EMSY: variants seen among roughly 807,000 people sequenced by gnomAD.
The protein encoded by EMSY is EMSY transcriptional repressor, BRCA2 interacting, also known as BRCA2-interacting transcriptional repressor EMSY.
A neutral mutation model predicts 134.6 loss-of-function variants in EMSY; 26 were observed. The ratio of observed to expected loss-of-function variants is 0.19; its 90% CI spans 0.14 to 0.27. The LOEUF is 0.27. EMSY is among the 10% of genes least tolerant of loss of function. The probability of loss-of-function intolerance (pLI) is 1.00; values close to 1 mark genes in which losing one functional copy is unlikely to be tolerated. For synonymous variants in EMSY, 579 were observed against 577.8 expected, an observed-to-expected ratio of 1.00 and a Z score of -0.03; for missense variants, 1,305 against 1,611.4, an observed-to-expected ratio of 0.81 and a Z score of 3.26.
exon 15 of EMSY, chr11:76,536,056 A>G: frequency 6.5e-7 from 1 of 1,547,712 alleles, no homozygotes; most frequent in Non-Finnish European, 8.7e-7. Flanking sequence ...CCAACAGACA[A>G]CAGGTATGAA....
At chr11:76,508,275 T>G (rs1950153052) in intron 9 of EMSY, among the ~76,000 whole-genome samples, 1 of 152,182 alleles carries the variant, frequency 6.6e-6, no homozygotes, top group South Asian at 2.1e-4. Context: ...ATTAATCTTG[T>G]ATATCTCCAT....
At position 76,473,797 on chromosome 11, in the gene EMSY, C is replaced by G. The variant is rs952475954; in HGVS notation, c.1108+957C>G. Among the ~76,000 whole-genome samples, 11 of 151,992 alleles carry G rather than the reference C, an allele frequency of 7.2e-5. No individual in the cohort carries two copies. In the East Asian group the frequency reaches 1.4e-3, roughly 19 times the overall value. ...TTGAGGTCAGGAGTTCAAGACCAGC[C>G]TGGCCTGTAACATGGTGAAACCCTG... On this transcript the variant is annotated intron_variant, in intron 8 of 20. Transcript: ENST00000334736.
chr11:76,513,090 A>C (rs1395911664), intron 9 of EMSY, among the ~76,000 whole-genome samples: 1 of 152,206 alleles, frequency 6.6e-6, no homozygotes, highest in Non-Finnish European at 1.5e-5. Flanking sequence ...CTGTAAAGTC[A>C]AGTCCAGTGG....
At chr11:76,457,308 AT>A (rs1259128039) in intron 4 of EMSY, among the ~76,000 whole-genome samples, 2 of 152,200 alleles carry the variant, frequency 1.3e-5, no homozygotes, top group East Asian at 1.9e-4. Flanking sequence ...GAAGAGATTG[AT>A]TATTTCGGAG....
intron 17 of EMSY, among the ~76,000 whole-genome samples, chr11:76,541,097 A>G (rs1056546170): frequency 1.3e-5 from 2 of 152,202 alleles, no homozygotes; most frequent in Non-Finnish European, 2.9e-5. Context: ...GTGGTGGTGC[A>G]CACATGTAAT....
chr11:76,512,623 A>C (rs1950316465), intron 9 of EMSY, among the ~76,000 whole-genome samples: 1 of 150,210 alleles, frequency 6.7e-6, no homozygotes, highest in Non-Finnish European at 1.5e-5. Flanking sequence ...AGCAAGCTAC[A>C]CTTTTTTTTT....
chr11:76,524,667 A>T (rs1298374613), intron 12 of EMSY, among the ~76,000 whole-genome samples: 2 of 152,198 alleles, frequency 1.3e-5, no homozygotes. Flanking sequence ...TAGCTGTTAG[A>T]TATCTCTGAT....
intron 9 of EMSY, among the ~76,000 whole-genome samples, chr11:76,507,749 A>G (rs544075425): frequency 6.6e-6 from 1 of 152,214 alleles, no homozygotes; most frequent in Non-Finnish European, 1.5e-5. Flanking sequence ...TTCTGAATGC[A>G]TCTAGAACAG....
At chr11:76,525,925 T>C (rs998700606) in intron 12 of EMSY, among the ~76,000 whole-genome samples, 1 of 152,160 alleles carries the variant, frequency 6.6e-6, no homozygotes, top group African/African-American at 2.4e-5. Flanking sequence ...TACTTTTTCA[T>C]GTAGACATTC....
At chr11:76,472,498 A>T in intron 7 of EMSY, 66 bp from the exon 9 acceptor site, 2 of 1,396,408 alleles carry the variant, frequency 1.4e-6, no homozygotes, top group Non-Finnish European at 9.8e-7. Flanking sequence ...TATATAACTA[A>T]CTGTGAGTCT....
intron 14 of EMSY, among the ~76,000 whole-genome samples, chr11:76,532,896 A>G (rs1380161373): frequency 6.6e-6 from 1 of 152,186 alleles, no homozygotes; most frequent in Non-Finnish European, 1.5e-5. Flanking sequence ...GTTGAGCAGA[A>G]ACATACTTAT....
At chr11:76,518,351 A>G (rs1216600905) in intron 11 of EMSY, among the ~76,000 whole-genome samples, 1 of 151,250 alleles carries the variant, frequency 6.6e-6, no homozygotes, top group Non-Finnish European at 1.5e-5. Flanking sequence ...TAATTTTTCT[A>G]GAGACAGGGT....
chr11:76,513,329 T>G (rs779910476), intron 9 of EMSY, 57 bp from the exon 11 acceptor site: 40 of 1,570,698 alleles, frequency 2.5e-5, no homozygotes, highest in Admixed American at 3.5e-5. Context: ...TGGGTTGGTA[T>G]AAGGGACATG....
downstream of EMSY, chr11:76,552,225 G>A (rs137878527): frequency 6.6e-6 from 1 of 152,200 alleles, no homozygotes; most frequent in East Asian, 1.9e-4. Flanking sequence ...TCTGTGCACT[G>A]GGGATACCAT....
chr11:76,464,806 G>A (rs1022875484), intron 7 of EMSY, among the ~76,000 whole-genome samples: 7 of 152,080 alleles, frequency 4.6e-5, no homozygotes, highest in Non-Finnish European at 1.0e-4. Flanking sequence ...GACCTTGCAT[G>A]GTAGACTGCA....
intron 8 of EMSY, among the ~76,000 whole-genome samples, chr11:76,489,291 A>G (rs1949316529): frequency 6.7e-6 from 1 of 149,250 alleles, no homozygotes; most frequent in Admixed American, 6.7e-5. Context: ...TGGTTGATGG[A>G]CTTGATCAGA....
At chr11:76,528,487 G>A (rs1950921236) in intron 14 of EMSY, 21 bp downstream of exon 15, 2 of 1,557,678 alleles carry the variant, frequency 1.3e-6, no homozygotes, top group African/African-American at 1.4e-5. Flanking sequence ...TTTTACTTCT[G>A]ATTTATATAA....
intron 8 of EMSY, among the ~76,000 whole-genome samples, chr11:76,478,682 T>C (rs1948859858): frequency 6.6e-6 from 1 of 151,968 alleles, no homozygotes; most frequent in Non-Finnish European, 1.5e-5. Context: ...AAAGTTCATA[T>C]TCTATTTGGT....
At chr11:76,504,300 A>AAT (rs748491107) in intron 9 of EMSY, among the ~76,000 whole-genome samples, 18 of 148,916 alleles carry the variant, frequency 1.2e-4, no homozygotes, top group South Asian at 2.1e-4. Flanking sequence ...ATATATATAT[A>AAT]ATATATATAT....
Sources: gnomAD v4.1 joint callset for allele counts (sites outside exome capture counted in the v4.1 genomes callset) on GRCh38, gnomAD v4.1.1 for gene constraint, MANE v1.5 for transcripts, NCBI Gene and HGNC (gene_info 2026-07-23, HGNC 2026-07-21) for gene names.